Variants in ANKS1B observed in about 807,000 individuals in gnomAD.
The protein encoded by ANKS1B is ankyrin repeat and sterile alpha motif domain-containing protein 1B.
In ANKS1B, 36 loss-of-function variants were observed where a neutral mutation model predicts 148.3. The ratio of observed to expected loss-of-function variants is 0.24; its 90% confidence interval spans 0.19 to 0.32. ANKS1B has a LOEUF of 0.32. Ranked by LOEUF, ANKS1B falls within the 10% of genes least tolerant of loss-of-function variation. ANKS1B has a pLI of 1.00. For synonymous variants in ANKS1B, 542 were observed against 560.8 expected, an observed-to-expected ratio of 0.97 and a Z score of 0.47; for missense variants, 1,157 against 1,542.6, an observed-to-expected ratio of 0.75 and a Z score of 4.19.
At chr12:99,243,637 C>A (rs1304308318) in intron 14 of ANKS1B, among the ~76,000 whole-genome samples, 6 of 152,088 alleles carry the variant, frequency 3.9e-5, no homozygotes, top group Non-Finnish European at 7.4e-5. Context: ...CAAATGTCCA[C>A]CAGTGATAGA....
intron 9 of ANKS1B, among the ~76,000 whole-genome samples, chr12:99,596,309 GT>G (rs2097758182): frequency 6.6e-6 from 1 of 151,746 alleles, no homozygotes; most frequent in Admixed American, 6.6e-5. Flanking sequence ...AATCCTTGGT[GT>G]TCCTTGGCTT....
intron 9 of ANKS1B, among the ~76,000 whole-genome samples, chr12:99,627,176 GA>G (rs2098118738): frequency 6.6e-6 from 1 of 152,062 alleles, no homozygotes; most frequent in Non-Finnish European, 1.5e-5. Context: ...CTATAAAATA[GA>G]ACTATTTATT....
intron 17 of ANKS1B, among the ~76,000 whole-genome samples, chr12:98,852,235 C>A (rs1035925581): frequency 1.3e-5 from 2 of 152,074 alleles, no homozygotes; most frequent in East Asian, 3.8e-4. Flanking sequence ...AACATAGTGG[C>A]TACTTGCAGT....
chr12:99,172,273 C>T (rs925276895), intron 14 of ANKS1B, among the ~76,000 whole-genome samples: 2 of 151,952 alleles, frequency 1.3e-5, no homozygotes, highest in Admixed American at 1.3e-4. Context: ...GACTTGTGTG[C>T]CATGAAAAAG....
rs909888305 is a variant in ANKS1B, at chr12:98,987,049, C to G, written c.2778+66108G>C. On this transcript the variant is annotated intron_variant, in intron 17 of 26. Coordinates refer to ENST00000683438, the MANE Select transcript of ANKS1B (RefSeq NM_001352186.2). ...AGTAATTTTGTTCTTGCTTTTTGGG[C>G]TGTATCATATTTTTTATTGAATTCC... Among the ~76,000 whole-genome samples the G allele has an allele frequency of 3.3e-5, 5 of 151,766 alleles. No homozygotes were observed. In the East Asian group the frequency reaches 9.7e-4, roughly 29 times the overall value.
chr12:99,655,260 A>G (rs762806618), intron 8 of ANKS1B, 50 bp from the exon 9 acceptor site: 1 of 1,412,318 alleles, frequency 7.1e-7, no homozygotes, highest in Non-Finnish European at 9.6e-7. Flanking sequence ...TGATATTTAG[A>G]TATCTTAACA....
chr12:99,017,493 G>A (rs2099943244), intron 17 of ANKS1B, among the ~76,000 whole-genome samples: 2 of 152,042 alleles, frequency 1.3e-5, no homozygotes, highest in Non-Finnish European at 2.9e-5. Context: ...ATTGTATTTT[G>A]TGGGGGATGT....
At chr12:99,404,347 A>AG (rs1195904681) in intron 11 of ANKS1B, among the ~76,000 whole-genome samples, 1 of 146,224 alleles carries the variant, frequency 6.8e-6, no homozygotes, top group Non-Finnish European at 1.5e-5. Context: ...ATTTAAAAAA[A>AG]GAAATGAGAA....
chr12:99,796,815 T>C (rs1388300905), intron 4 of ANKS1B, among the ~76,000 whole-genome samples: 1 of 151,950 alleles, frequency 6.6e-6, no homozygotes, highest in Non-Finnish European at 1.5e-5. Flanking sequence ...ATTACATACA[T>C]GTATATCCTT....
At chr12:98,982,485 T>G (rs2153231323) in intron 17 of ANKS1B, among the ~76,000 whole-genome samples, 1 of 152,298 alleles carries the variant, frequency 6.6e-6, no homozygotes, top group East Asian at 1.9e-4. Flanking sequence ...TCCCTCCCTC[T>G]TAGAAATGAC....
chr12:99,411,751 T>A (rs1369133175), intron 11 of ANKS1B, among the ~76,000 whole-genome samples: 2 of 152,212 alleles, frequency 1.3e-5, no homozygotes, highest in African/African-American at 4.8e-5. Context: ...TATATTCCCA[T>A]TGATCTATTT....
At chr12:99,300,399 C>T (rs1445937272) in intron 12 of ANKS1B, among the ~76,000 whole-genome samples, 2 of 151,904 alleles carry the variant, frequency 1.3e-5, no homozygotes, top group East Asian at 3.9e-4. Flanking sequence ...TTATGCTGGG[C>T]TTTTTGTTTT....
chr12:99,190,194 C>T (rs959262585), intron 14 of ANKS1B, among the ~76,000 whole-genome samples: 20 of 151,996 alleles, frequency 1.3e-4, no homozygotes, highest in African/African-American at 2.4e-4. Context: ...TAAGAGAGAA[C>T]ACAAACAAAT....
At chr12:98,798,874 T>C (rs2098975905) in intron 22 of ANKS1B, 60 bp downstream of exon 22, 2 of 1,405,960 alleles carry the variant, frequency 1.4e-6, no homozygotes, top group African/African-American at 2.9e-5. Flanking sequence ...TGGCAATTTG[T>C]ATCCATACCC....
chr12:99,430,698 A>C (rs2152747992), intron 11 of ANKS1B, among the ~76,000 whole-genome samples: 1 of 152,330 alleles, frequency 6.6e-6, no homozygotes, highest in South Asian at 2.1e-4. Flanking sequence ...TGCCTCTTCC[A>C]TGTTTCTCCT....
chr12:99,685,567 T>A (rs1241026564), intron 8 of ANKS1B, among the ~76,000 whole-genome samples: 1 of 152,108 alleles, frequency 6.6e-6, no homozygotes, highest in East Asian at 1.9e-4. Context: ...GATCCAGCAA[T>A]CCCACTTCTG....
At chr12:99,046,343 G>A (rs570524098) in intron 17 of ANKS1B, among the ~76,000 whole-genome samples, 1 of 151,812 alleles carries the variant, frequency 6.6e-6, no homozygotes, top group Non-Finnish European at 1.5e-5. Context: ...TACCAGACAT[G>A]CAAAAAAACA....
intron 8 of ANKS1B, among the ~76,000 whole-genome samples, chr12:99,722,284 C>A (rs2058161660): frequency 6.6e-6 from 1 of 152,166 alleles, no homozygotes; most frequent in Non-Finnish European, 1.5e-5. Context: ...ACTCTCATAA[C>A]CAGAGAGGAG....
rs558736641 is a variant in ANKS1B, at chr12:99,744,871, A to C, written c.1128+28051T>G. Among the ~76,000 whole-genome samples, 24 of 151,942 alleles carry C rather than the reference A, an allele frequency of 1.6e-4. No homozygotes were observed. The South Asian group carries it at 5.0e-3, about 32-fold the overall frequency. ...GCTGGGCGTGGTGGCACATGCCTGTAATCCCAGCTACTCAGGAGGCTGAGG... is the reference window on the plus strand; with the variant it reads ...GCTGGGCGTGGTGGCACATGCCTGTCATCCCAGCTACTCAGGAGGCTGAGG... On this transcript the variant is annotated intron_variant, in intron 8 of 26. Coordinates refer to ENST00000683438, the MANE Select transcript of ANKS1B (RefSeq NM_001352186.2).
Sources: gnomAD v4.1 joint callset for allele counts (sites outside exome capture counted in the v4.1 genomes callset) on GRCh38, gnomAD v4.1.1 for gene constraint, MANE v1.5 for transcripts, NCBI Gene and HGNC (gene_info 2026-07-23, HGNC 2026-07-21) for gene names.